The following STXBP5L variants were observed in gnomAD, a reference collection of about 807,000 sequenced individuals.
STXBP5L encodes syntaxin-binding protein 5-like.
In STXBP5L, 65 loss-of-function variants were observed where a neutral mutation model predicts 144.5. That is an observed-to-expected ratio of 0.45 (90% CI 0.37 to 0.55). The LOEUF (loss-of-function observed/expected upper bound fraction) is 0.55, where lower values mean the gene tolerates loss of function less well. Ranked by LOEUF, STXBP5L falls within the 20% of genes least tolerant of loss-of-function variation. The probability of loss-of-function intolerance (pLI) is 0.00; values close to 1 mark genes in which losing one functional copy is unlikely to be tolerated. For missense variants in STXBP5L, 1,298 were observed against 1,405.5 expected (o/e 0.92, Z 1.22); for synonymous variants, 505 against 469.6 (o/e 1.08, Z -0.97).
At chr3:121,398,297 TG>T (rs1181330614) in intron 22 of STXBP5L, among the ~76,000 whole-genome samples, 6 of 152,248 alleles carry the variant, frequency 3.9e-5, no homozygotes, top group African/African-American at 1.4e-4. Flanking sequence ...AGACTCCTGT[TG>T]GGACCTTTTG....
At chr3:121,017,456 A>C (rs1156259704) in intron 3 of STXBP5L, among the ~76,000 whole-genome samples, 1 of 152,254 alleles carries the variant, frequency 6.6e-6, no homozygotes, top group Non-Finnish European at 1.5e-5. Context: ...TAAGATCAGA[A>C]AAGCAAACAA....
intron 5 of STXBP5L, among the ~76,000 whole-genome samples, chr3:121,052,958 A>T (rs1414037568): frequency 6.6e-6 from 1 of 152,210 alleles, no homozygotes; most frequent in African/African-American, 2.4e-5. Context: ...AATAACAGAC[A>T]AACAGAGAGC....
intron 7 of STXBP5L, among the ~76,000 whole-genome samples, chr3:121,126,327 G>A (rs1274944951): frequency 6.6e-6 from 1 of 152,124 alleles, no homozygotes; most frequent in Non-Finnish European, 1.5e-5. Flanking sequence ...GAGCAGTTGG[G>A]ATGCAAAGCC....
At position 121,136,181 on chromosome 3, in the gene STXBP5L, A is replaced by C. The variant is rs947100169; in HGVS notation, c.669+14477A>C. On this transcript the variant is annotated intron_variant, in intron 7 of 26. Coordinates refer to ENST00000471454, the MANE Select transcript of STXBP5L (RefSeq NM_001308330.2). Reference sequence around the variant, plus strand: ...CTCATGTCTCCCTTTTTCCAACACCAGGCAGCACAGCACAGAGAGAAAAAT... The same window carrying C: ...CTCATGTCTCCCTTTTTCCAACACCCGGCAGCACAGCACAGAGAGAAAAAT... Among the ~76,000 whole-genome samples, 5 of 152,268 alleles carry C rather than the reference A, an allele frequency of 3.3e-5. No individual in the cohort carries two copies. The East Asian group carries it at 9.6e-4, about 29-fold the overall frequency.
Position 121,085,565 on chromosome 3 carries a change from T to G in STXBP5L, c.471-29360T>G, listed in dbSNP as rs969140981. Among the ~76,000 whole-genome samples the G allele has an allele frequency of 3.3e-5, 5 of 152,056 alleles. No homozygotes were observed. In the East Asian group the frequency reaches 7.7e-4, roughly 23 times the overall value. On this transcript the variant is annotated intron_variant, in intron 5 of 26. Coordinates refer to ENST00000471454, the MANE Select transcript of STXBP5L (RefSeq NM_001308330.2). The stretch of plus-strand genomic sequence containing the variant: ...ACAGAGAGCCAAATCATGAATGAAC[T>G]CCCATTCACAATTGCTACAAAGAGA...
chr3:121,129,910 C>T (rs983546245), intron 7 of STXBP5L, among the ~76,000 whole-genome samples: 1 of 151,996 alleles, frequency 6.6e-6, no homozygotes, highest in African/African-American at 2.4e-5. Flanking sequence ...GTCTTAGGGT[C>T]TGGGGCATAC....
chr3:121,236,578 G>A (rs914458816), intron 12 of STXBP5L, among the ~76,000 whole-genome samples: 2 of 152,148 alleles, frequency 1.3e-5, no homozygotes, highest in Non-Finnish European at 2.9e-5. Flanking sequence ...AACGAAGAGT[G>A]GGAACTCGTC....
intron 9 of STXBP5L, among the ~76,000 whole-genome samples, chr3:121,187,232 T>A (rs937096799): frequency 2.0e-5 from 3 of 151,974 alleles, no homozygotes; most frequent in African/African-American, 7.2e-5. Flanking sequence ...TAAAAAATGA[T>A]GAGTTCATGT....
chr3:121,298,909 TTG>T (rs981304487), intron 19 of STXBP5L, among the ~76,000 whole-genome samples: 12 of 152,232 alleles, frequency 7.9e-5, no homozygotes, highest in Non-Finnish European at 1.6e-4. Context: ...AGATTTCATG[TTG>T]TGTGTTTTTT....
At chr3:121,184,564 GT>G (rs1321204687) in intron 9 of STXBP5L, among the ~76,000 whole-genome samples, 1 of 152,122 alleles carries the variant, frequency 6.6e-6, no homozygotes, top group Non-Finnish European at 1.5e-5. Flanking sequence ...ACGGGACTGT[GT>G]GAAAAGACCA....
chr3:121,159,079 T>A (rs997732434), intron 9 of STXBP5L: 1 of 152,074 alleles, frequency 6.6e-6, no homozygotes, highest in Non-Finnish European at 1.5e-5. Context: ...TTTATTGTCA[T>A]CTATTGACAT....
intron 7 of STXBP5L, among the ~76,000 whole-genome samples, chr3:121,135,426 C>G (rs1216155184): frequency 6.6e-6 from 1 of 152,148 alleles, no homozygotes; most frequent in African/African-American, 2.4e-5. Context: ...TCACCCTATA[C>G]AAGTCACCAT....
At chr3:121,113,672 C>CTTTTTTTTTTTTTTTT (rs1231857211) in intron 5 of STXBP5L, among the ~76,000 whole-genome samples, 4 of 122,568 alleles carry the variant, frequency 3.3e-5, no homozygotes, top group Non-Finnish European at 3.3e-5. Context: ...TTTTCTTTTT[C>CTTTTTTTTTTTTTTTT]TTTTTTTTTT....
intron 4 of STXBP5L, among the ~76,000 whole-genome samples, chr3:121,042,330 T>A (rs1947217348): frequency 6.6e-6 from 1 of 152,180 alleles, no homozygotes; most frequent in African/African-American, 2.4e-5. Flanking sequence ...TGAGGAACTC[T>A]CTAAAAACAA....
intron 5 of STXBP5L, among the ~76,000 whole-genome samples, chr3:121,078,673 C>T (rs2042127614): frequency 6.6e-6 from 1 of 151,916 alleles, no homozygotes. Context: ...GAGCCCTGCC[C>T]CGCTGCAGGT....
At chr3:121,066,252 G>A (rs1056771147) in intron 5 of STXBP5L, among the ~76,000 whole-genome samples, 3 of 151,964 alleles carry the variant, frequency 2.0e-5, no homozygotes, top group Non-Finnish European at 4.4e-5. Context: ...TGATTGTAGG[G>A]GGAATGTTTT....
rs75590209 is a variant in STXBP5L, at chr3:121,049,681, C to G, written c.470+4146C>G. On this transcript the variant is annotated intron_variant, in intron 5 of 26. Coordinates refer to ENST00000471454, the MANE Select transcript of STXBP5L (RefSeq NM_001308330.2). ...CCTGCAAGGTGCTGCAGAGACGAGG[C>G]CTGTAGCACCTTGCAGGATAAGGTC... The G allele has an allele frequency of 7.4e-3, 1,134 of 154,122 alleles. 13 individuals carry two copies. The highest frequency in any genetic ancestry group is 0.026 in the African/African-American group (1,086 of 41,564). The allele number at this position is 154,122 out of a possible 1,614,324, so 9.5% of individuals were successfully genotyped here. A position where few individuals can be genotyped will look rare whatever the true frequency, so the allele number is the denominator to read the frequency against.
chr3:121,343,152 G>A (rs1283471538), intron 20 of STXBP5L, among the ~76,000 whole-genome samples: 1 of 152,118 alleles, frequency 6.6e-6, no homozygotes, highest in Non-Finnish European at 1.5e-5. Context: ...CTTCTTTTGA[G>A]AAGTGTCTGT....
At chr3:120,916,418 A>G (rs1391415915) in intron 2 of STXBP5L, among the ~76,000 whole-genome samples, 1 of 152,012 alleles carries the variant, frequency 6.6e-6, no homozygotes, top group East Asian at 1.9e-4. Flanking sequence ...CTCCTGCCTC[A>G]GCTTCCCAAG....
Sources: gnomAD v4.1 joint callset for allele counts (sites outside exome capture counted in the v4.1 genomes callset) on GRCh38, gnomAD v4.1.1 for gene constraint, MANE v1.5 for transcripts, NCBI Gene and HGNC (gene_info 2026-07-23, HGNC 2026-07-21) for gene names.